Variants in ABCA4 observed in about 807,000 individuals in gnomAD.
ABCA4 encodes retinal-specific phospholipid-transporting ATPase ABCA4.
A neutral mutation model predicts 263.7 loss-of-function variants in ABCA4; 196 were observed. The observed-to-expected ratio is 0.74, with a 90% confidence interval of 0.66 to 0.84. The LOEUF is 0.84. ABCA4 is among the 40% of genes least tolerant of loss of function. The pLI is 0.00. For missense variants in ABCA4, 2,792 were observed against 2,855.1 expected, an observed-to-expected ratio of 0.98 and a Z score of 0.50; for synonymous variants, 1,133 against 1,094.2, an observed-to-expected ratio of 1.04 and a Z score of -0.70.
chr1:94,008,268 C>G lies in ABCA4; in HGVS notation c.5865G>C (p.Val1955=). 1 of 1,614,144 alleles carries G rather than the reference C, an allele frequency of 6.2e-7. No homozygotes were observed. The change falls in exon 42 of 50, where the codon GTG becomes GTC. Residue 1955 remains valine, a synonymous_variant. Coordinates refer to ENST00000370225, the MANE Select transcript of ABCA4 (RefSeq NM_000350.3). ...GGCGAACTCCGACACACAGCCTGTC[C>G]ACTGCTGGGCTGGAGGTGCCTGGAT... ...KIYPGTSSPA[V]DRLCVGVRPG...
At chr1:94,112,415 AAACTAGC>A (rs1236708003) in intron 2 of ABCA4, among the ~76,000 whole-genome samples, 2 of 152,232 alleles carry the variant, frequency 1.3e-5, no homozygotes, top group East Asian at 3.8e-4. Context: ...AAAAAAATAA[AAACTAGC>A]AACAACAAAG....
In ABCA4 at chr1:94,108,779, T is replaced by A; in HGVS notation, c.303-63A>T. 5 of 1,572,522 alleles carry A rather than the reference T, an allele frequency of 3.2e-6. No homozygotes were observed. In the South Asian group the frequency reaches 3.5e-5, roughly 11 times the overall value. ...TTATTTTTATAACAGTAATAATATC[T>A]CATGCTATTTTTTTTTTTTATCTCG... is the stretch of plus-strand genomic sequence containing the variant. On this transcript the variant is annotated intron_variant, in intron 3 of 49. Coordinates refer to ENST00000370225, the MANE Select transcript of ABCA4 (RefSeq NM_000350.3).
intron 11 of ABCA4, among the ~76,000 whole-genome samples, chr1:94,071,544 A>C (rs1309412141): frequency 6.6e-6 from 1 of 152,204 alleles, no homozygotes; most frequent in African/African-American, 2.4e-5. Context: ...CTGTTGTGTT[A>C]CATTAGACTG....
chr1:94,049,035 A>T, intron 17 of ABCA4, 78 bp from the exon 18 acceptor site: 1 of 1,434,424 alleles, frequency 7.0e-7, no homozygotes, highest in Non-Finnish European at 9.8e-7. Context: ...GGGGAGAGGT[A>T]CAGGGAGCAA....
rs142054927 is a variant in ABCA4 at position 94,064,823 on chromosome 1, T to G, written c.1555-1506A>C. On this transcript the variant is annotated intron_variant, in intron 11 of 49. Transcript: ENST00000370225. ...GGCTTCCCCGGACACGTGCTTTCAG[T>G]GCTAAGACCAGGGGAGTTCTGGGCA... Among the ~76,000 whole-genome samples, 1,028 of 152,216 alleles carry G rather than the reference T, an allele frequency of 6.8e-3. 7 individuals are homozygous for G. The highest frequency in any genetic ancestry group is 0.011 in the Non-Finnish European group (739 of 68,028).
Position 94,030,497 on chromosome 1 carries a change from G to A in ABCA4, c.4283C>T (p.Thr1428Met), listed in dbSNP as rs1800549. ...ATTCAGGAGGACGTCTGCAAGTACC[G>A]TGAACTGCTCACTGCCTGGTTCATC... ...SMDEPGSEQF[T>M]VLADVLLNKP... is the part of the protein sequence containing the mutation. Residue 1428 changes from threonine (T) to methionine (M), a missense_variant, in exon 29 of 50, where the codon ACG (threonine) becomes ATG (methionine). Transcript: ENST00000370225. The A allele has an allele frequency of 1.6e-3, 2,599 of 1,614,220 alleles. 55 individuals are homozygous for A. The East Asian group carries it at 0.045, about 28-fold the overall frequency.
intron 24 of ABCA4, among the ~76,000 whole-genome samples, chr1:94,038,945 A>T (rs1660416936): frequency 6.6e-6 from 1 of 152,204 alleles, no homozygotes; most frequent in Non-Finnish European, 1.5e-5. Flanking sequence ...ATTCTATACA[A>T]AGAAAACCTT....
intron 6 of ABCA4, 95 bp downstream of exon 6, chr1:94,098,699 A>C: frequency 2.8e-6 from 4 of 1,416,544 alleles, no homozygotes; most frequent in Non-Finnish European, 4.0e-6. Flanking sequence ...ATTGTCCAGA[A>C]CACCAGGCTC....
intron 7 of ABCA4, among the ~76,000 whole-genome samples, chr1:94,082,529 C>G (rs1012905316): frequency 7.0e-6 from 1 of 141,938 alleles, no homozygotes; most frequent in African/African-American, 2.5e-5. Flanking sequence ...GGGCTCTTCT[C>G]TAACTTTCCC....
At position 94,029,613 on chromosome 1, in the gene ABCA4, G is replaced by A. The variant is rs765591258; in HGVS notation, c.4371C>T (p.Asn1457=). ...CAGAAGGAGTCTTCCAGGGTGTTGA[G>A]TTGCCACAGGGGTACTCCCTCATGG... ...EGWLPEYPCG[N]STPWKTPSVS... Residue 1457 remains asparagine (N), a synonymous_variant, in exon 30 of 50, where the codon AAC becomes AAT. Transcript: ENST00000370225. 28 of 1,613,688 alleles carry A rather than the reference G, an allele frequency of 1.7e-5. No individual in the cohort carries two copies. Among genetic ancestry groups the A allele is most frequent in the East Asian group, 6.7e-5 (3 of 44,898 alleles).
In ABCA4 at chr1:94,048,913, G is replaced by A; in HGVS notation, c.2698C>T (p.Leu900=). ...TCTGGATCCTCCGTTTCCTCTGTTAGGGGCTCGGTCTTTTCCAGGGCTCTT... is the reference window on the plus strand; with the variant it reads ...TCTGGATCCTCCGTTTCCTCTGTTAAGGGCTCGGTCTTTTCCAGGGCTCTT... ...EERALEKTEP[L]TEETEDPEHP... The change falls in exon 18 of 50, where the codon CTA becomes TTA. Residue 900 remains leucine, a synonymous_variant. Coordinates refer to ENST00000370225, the MANE Select transcript of ABCA4 (RefSeq NM_000350.3). 1 of 1,614,118 alleles carries A rather than the reference G, an allele frequency of 6.2e-7. No individual in the cohort carries two copies. The highest frequency in any genetic ancestry group is 8.5e-7 in the Non-Finnish European group (1 of 1,180,040).
chr1:94,014,911 G>C (rs1009996103), intron 37 of ABCA4, among the ~76,000 whole-genome samples: 2 of 152,194 alleles, frequency 1.3e-5, no homozygotes, highest in Non-Finnish European at 2.9e-5. Context: ...TTTGTGAGGA[G>C]CAAATGGGCT....
chr1:94,017,929 A>C (rs932246853), intron 36 of ABCA4, among the ~76,000 whole-genome samples: 2 of 152,250 alleles, frequency 1.3e-5, no homozygotes, highest in African/African-American at 4.8e-5. Flanking sequence ...GAATTACATA[A>C]GCAATAATTG....
chr1:94,120,895 A>AC, intron 1 of ABCA4, 85 bp downstream of exon 1: 7 of 152,598 alleles, frequency 4.6e-5, no homozygotes, highest in South Asian at 1.1e-4. Flanking sequence ...CTGCCCCACC[A>AC]CCCTACCCCA....
intron 19 of ABCA4, among the ~76,000 whole-genome samples, chr1:94,046,447 T>C (rs201963760): frequency 0.68 from 83,222 of 122,302 alleles, 29,334 homozygotes; most frequent in East Asian, 0.92. Flanking sequence ...GGGTAATGGT[T>C]ACTATCTCAA....
At chr1:94,023,596 T>C (rs562648475) in intron 31 of ABCA4, among the ~76,000 whole-genome samples, 178 bp from the exon 32 acceptor site, 1 of 152,314 alleles carries the variant, frequency 6.6e-6, no homozygotes, top group African/African-American at 2.4e-5. Context: ...TGAATACACA[T>C]GCAGAGAAAG....
intron 11 of ABCA4, among the ~76,000 whole-genome samples, chr1:94,074,102 C>T (rs1373627468): frequency 6.6e-6 from 1 of 152,174 alleles, no homozygotes; most frequent in Non-Finnish European, 1.5e-5. Context: ...AACCAGGCCT[C>T]TTCCCTGGAA....
At chr1:94,094,837 T>A (rs1379215921) in intron 6 of ABCA4, among the ~76,000 whole-genome samples, 1 of 152,168 alleles carries the variant, frequency 6.6e-6, no homozygotes, top group African/African-American at 2.4e-5. Context: ...TCCCAACCTC[T>A]CACCCGAAAC....
chr1:94,095,299 TC>T (rs1398176674), intron 6 of ABCA4, among the ~76,000 whole-genome samples: 1 of 150,656 alleles, frequency 6.6e-6, no homozygotes, highest in Non-Finnish European at 1.5e-5. Context: ...CCCCTCCGAT[TC>T]TCTGGGCTCC....
Sources: allele counts gnomAD v4.1 joint callset (sites outside exome capture counted in the v4.1 genomes callset), GRCh38; gene constraint gnomAD v4.1.1; transcripts MANE v1.5; gene names NCBI Gene and HGNC (gene_info 2026-07-23, HGNC 2026-07-21).